The following DRC1 variants were observed in gnomAD, a reference collection of about 807,000 sequenced individuals.
DRC1 encodes the protein dynein regulatory complex protein 1.
DRC1 carries 74 observed loss-of-function variants against 98.7 expected under a neutral mutation model. That is an observed-to-expected ratio of 0.75 (90% CI 0.62 to 0.91). The LOEUF is 0.91. Among genes scored for constraint, DRC1 ranks in the 40% least tolerant of loss-of-function variants. The pLI is 0.00. For synonymous variants in DRC1, 336 were observed against 334.1 expected (o/e 1.01, Z -0.06); for missense variants, 875 against 886.0 (o/e 0.99, Z 0.16).
chr2:26,423,760 T>A (rs541386422), intron 3 of DRC1, among the ~76,000 whole-genome samples: 1 of 152,322 alleles, frequency 6.6e-6, no homozygotes, highest in South Asian at 2.1e-4. Flanking sequence ...GTGTGCAGCA[T>A]CTTATTTCAT....
In DRC1 at chr2:26,456,541, G is replaced by A. The variant is rs757539333; in HGVS notation, c.*24G>A. ...GAGCTGGACCGCCAAAGGCTGATGTGTTAGGGCTGGCCTGATGCTGGTGTC... is the reference window on the plus strand; with the variant it reads ...GAGCTGGACCGCCAAAGGCTGATGTATTAGGGCTGGCCTGATGCTGGTGTC... On this transcript the variant is annotated 3_prime_UTR_variant, in exon 17 of 17. Transcript: ENST00000288710. 6 of 1,613,832 alleles carry A rather than the reference G, an allele frequency of 3.7e-6. No individual in the cohort carries two copies. The highest frequency in any genetic ancestry group is 3.3e-4 in the Middle Eastern group (2 of 6,078).
At position 26,408,072 on chromosome 2, in the gene DRC1, G is replaced by T. The variant is rs576773947; in HGVS notation, c.155+5928G>T. ...TTGAAAGCTTGCTTCCTGCCTGCAG[G>T]TTGTGTCCTTTAGAAATAAAGTTCT... On this transcript the variant is annotated intron_variant, in intron 1 of 16. Coordinates refer to ENST00000288710, the MANE Select transcript of DRC1 (RefSeq NM_145038.5). Among the ~76,000 whole-genome samples, 15 of 152,266 alleles carry T rather than the reference G, an allele frequency of 9.9e-5. No individual in the cohort carries two copies. The East Asian group carries it at 1.4e-3, about 14-fold the overall frequency.
intron 16 of DRC1, 80 bp downstream of exon 16, chr2:26,455,313 A>G: frequency 1.5e-6 from 2 of 1,327,534 alleles, no homozygotes; most frequent in Non-Finnish European, 2.1e-6. Flanking sequence ...TTAGGGAACG[A>G]GGAGTCCCCT....
rs1348607335 is a variant in DRC1, at chr2:26,455,248, C to A, written c.2166+15C>A. 6.2e-7 allele frequency: 1 copy of A among 1,608,910 alleles called. No homozygotes were observed. Among genetic ancestry groups the A allele is most frequent in the African/African-American group, 1.3e-5 (1 of 74,816 alleles). On this transcript the variant is annotated intron_variant, in intron 16 of 16. Transcript: ENST00000288710. ...TGAACTCCAAGGTGGGCGGCGGGGC[C>A]TTCCAAGGAGGGGCAGCGGGAGACA...
intron 7 of DRC1, among the ~76,000 whole-genome samples, chr2:26,435,274 G>C (rs1404726898): frequency 1.3e-5 from 2 of 152,152 alleles, no homozygotes; most frequent in South Asian, 2.1e-4. Context: ...TTTGTGGCAG[G>C]TTAGCTTGTA....
chr2:26,439,936 T>TACACACAC (rs1553342452), intron 7 of DRC1, among the ~76,000 whole-genome samples: 2 of 75,500 alleles, frequency 2.6e-5, no homozygotes, highest in Non-Finnish European at 6.4e-5. Context: ...TATATATATA[T>TACACACAC]ACACACACAC....
At position 26,446,962 on chromosome 2, in the gene DRC1, C is replaced by T. The variant is rs567920668; in HGVS notation, c.1397-1729C>T. Among the ~76,000 whole-genome samples the T allele has an allele frequency of 1.5e-3, 228 of 151,990 alleles. 1 individual carries two copies. The highest frequency in any genetic ancestry group is 5.1e-3 in the African/African-American group (213 of 41,454). On this transcript the variant is annotated intron_variant, in intron 10 of 16. Transcript: ENST00000288710. Reference sequence around the variant, plus strand: ...CAAAAAATTAGCCGGTCATGGCGTGCGCCTGTAATCCCAGCTACTCAGGAG... The same window carrying T: ...CAAAAAATTAGCCGGTCATGGCGTGTGCCTGTAATCCCAGCTACTCAGGAG...
At chr2:26,420,160 G>C (rs1376423756) in intron 2 of DRC1, among the ~76,000 whole-genome samples, 2 of 152,160 alleles carry the variant, frequency 1.3e-5, no homozygotes, top group African/African-American at 4.8e-5. Flanking sequence ...AGGGGCAGAA[G>C]TGGGGCAGCA....
intron 7 of DRC1, among the ~76,000 whole-genome samples, chr2:26,439,934 T>TATATATATATATATATATATATAC (rs1017038187): frequency 6.3e-5 from 7 of 111,664 alleles, no homozygotes; most frequent in African/African-American, 2.9e-4. Flanking sequence ...TATATATATA[T>TATATATATATATATATATATATAC]ATACACACAC....
chr2:26,448,614 G>A (rs1454984231), intron 10 of DRC1, 77 bp from the exon 11 acceptor site: 5 of 1,435,036 alleles, frequency 3.5e-6, no homozygotes, highest in Non-Finnish European at 4.9e-6. Flanking sequence ...AAAGCCATCT[G>A]ACTGTTTCTC....
Position 26,456,532 on chromosome 2 carries a change from G to T in DRC1, c.*15G>T, listed in dbSNP as rs1431427026. 1.2e-6 allele frequency: 2 copies of T among 1,614,122 alleles called. No individual in the cohort carries two copies. Among genetic ancestry groups the T allele is most frequent in the East Asian group, 4.5e-5 (2 of 44,884 alleles). ...CCACAAAATGAGCTGGACCGCCAAA[G>T]GCTGATGTGTTAGGGCTGGCCTGAT... On this transcript the variant is annotated 3_prime_UTR_variant, in exon 17 of 17. Transcript: ENST00000288710.
At chr2:26,410,736 C>T (rs147137681) in intron 1 of DRC1, among the ~76,000 whole-genome samples, 47 of 152,124 alleles carry the variant, frequency 3.1e-4, no homozygotes, top group South Asian at 6.2e-4. Context: ...TGAAAATAGA[C>T]CCACCCTAAG....
At chr2:26,441,062 G>A (rs566914264) in intron 8 of DRC1, among the ~76,000 whole-genome samples, 2 of 152,294 alleles carry the variant, frequency 1.3e-5, no homozygotes, top group Admixed American at 6.5e-5. Context: ...TGGAGATACC[G>A]TGGCTCACTG....
intron 7 of DRC1, among the ~76,000 whole-genome samples, chr2:26,435,425 T>A (rs1663544586): frequency 6.6e-6 from 1 of 152,246 alleles, no homozygotes; most frequent in African/African-American, 2.4e-5. Flanking sequence ...CAGGTATTTT[T>A]AACTTTTATT....
chr2:26,410,269 TTA>T (rs1328813527), intron 1 of DRC1, among the ~76,000 whole-genome samples: 5 of 147,992 alleles, frequency 3.4e-5, no homozygotes, highest in African/African-American at 1.2e-4. Context: ...ATTATTATTA[TTA>T]TTATTATTAT....
rs868809971 is a variant in DRC1, at chr2:26,428,604, C to T, written c.541-1024C>T. 2.6e-5 allele frequency among the ~76,000 whole-genome samples: 4 copies of T among 152,242 alleles called. No individual in the cohort carries two copies. In the Middle Eastern group the frequency reaches 0.01, roughly 388 times the overall value. The stretch of plus-strand genomic sequence containing the variant: ...ACGAGGTCAGGATATCGAGACCATC[C>T]TGGCTAACACGGTGAAACCCTGTCT... On this transcript the variant is annotated intron_variant, in intron 4 of 16. Coordinates refer to ENST00000288710, the MANE Select transcript of DRC1 (RefSeq NM_145038.5).
rs5830013 is a variant in DRC1 at position 26,430,958 on chromosome 2, C to CT, written c.765+106dup. ...AATTTGCTAGCTAGCCTTTTTCTAT[C>CT]TTTTTTTTTTTTTTTTTTTTGAGAT... On this transcript the variant is annotated intron_variant, in intron 6 of 16. Coordinates refer to ENST00000288710, the MANE Select transcript of DRC1 (RefSeq NM_145038.5). 167,196 of 343,046 alleles carry CT rather than the reference C, an allele frequency of 0.49. 34,317 individuals are homozygous for CT. The highest frequency in any genetic ancestry group is 0.52 in the Admixed American group (8,023 of 15,292). 21.3% of individuals were successfully genotyped at this position (343,046 alleles called of 1,614,324 possible).
Position 26,454,938 on chromosome 2 carries a change from G to A in DRC1, c.2063+148G>A, listed in dbSNP as rs1466482922. 5 of 1,437,010 alleles carry A rather than the reference G, an allele frequency of 3.5e-6. No individual in the cohort carries two copies. Among genetic ancestry groups the A allele is most frequent in the East Asian group, 2.3e-5 (1 of 43,788 alleles). 89.0% of individuals were successfully genotyped at this position (1,437,010 alleles called of 1,614,324 possible). On this transcript the variant is annotated intron_variant, in intron 15 of 16. Coordinates refer to ENST00000288710, the MANE Select transcript of DRC1 (RefSeq NM_145038.5). This position sits in a 1 kb window ranked among gnomAD's most constrained non-coding sequence, Gnocchi z 5.2. ...ATCTCCTGTGTGGGTGGATCATGTGGGGCAGTTGGCTCTTGGGCCCTGGCC... is the reference window on the plus strand; with the variant it reads ...ATCTCCTGTGTGGGTGGATCATGTGAGGCAGTTGGCTCTTGGGCCCTGGCC...
At chr2:26,422,004 C>T (rs6547011) in intron 3 of DRC1, among the ~76,000 whole-genome samples, 9,316 of 152,140 alleles carry the variant, frequency 0.061, 532 homozygotes, top group African/African-American at 0.15. Flanking sequence ...ACCCATAATT[C>T]GTGGTAAAAT....
Sources: gnomAD v4.1 joint callset for allele counts (sites outside exome capture counted in the v4.1 genomes callset) on GRCh38, gnomAD v4.1.1 for gene constraint, Gnocchi (gnomAD v3.1) non-coding constraint, MANE v1.5 for transcripts, NCBI Gene and HGNC (gene_info 2026-07-23, HGNC 2026-07-21) for gene names.